ATF7: variants seen among roughly 807,000 people sequenced by gnomAD.
ATF7 encodes cyclic AMP-dependent transcription factor ATF-7.
ATF7 carries 10 observed loss-of-function variants against 50.4 expected under a neutral mutation model. That is an observed-to-expected ratio of 0.20 (90% CI 0.12 to 0.34). ATF7 has a LOEUF of 0.34. Ranked by LOEUF, ATF7 falls within the 10% of genes least tolerant of loss-of-function variation. The pLI, the probability that ATF7 is intolerant of heterozygous loss-of-function variation, is 1.00. For synonymous variants in ATF7, 201 were observed against 226.4 expected, an observed-to-expected ratio of 0.89 and a Z score of 1.01; for missense variants, 465 against 613.9, an observed-to-expected ratio of 0.76 and a Z score of 2.56.
At chr12:53,535,871 A>C (rs1181238023) in intron 5 of ATF7, among the ~76,000 whole-genome samples, 1 of 152,136 alleles carries the variant, frequency 6.6e-6, no homozygotes, top group Non-Finnish European at 1.5e-5. Context: ...AATGACTTTT[A>C]GGCTGGGTGC....
chr12:53,584,273 G>T (rs560099609), intron 2 of ATF7, among the ~76,000 whole-genome samples: 1 of 152,038 alleles, frequency 6.6e-6, no homozygotes, highest in Non-Finnish European at 1.5e-5. Context: ...TGAGCCACCC[G>T]GCAGGCATTA....
intron 3 of ATF7, among the ~76,000 whole-genome samples, chr12:53,552,169 T>C (rs1940402436): frequency 6.6e-6 from 1 of 151,928 alleles, no homozygotes; most frequent in Non-Finnish European, 1.5e-5. Flanking sequence ...CTAGATTGGC[T>C]TTTTTTTGCA....
intron 11 of ATF7, among the ~76,000 whole-genome samples, chr12:53,517,763 G>C (rs1335249603): frequency 6.6e-6 from 1 of 152,064 alleles, no homozygotes; most frequent in Admixed American, 6.6e-5. Context: ...ATGAGCCACT[G>C]CGCCTGGCCT....
At chr12:53,599,471 C>CTA (rs113534987) in intron 2 of ATF7, among the ~76,000 whole-genome samples, 4,333 of 147,626 alleles carry the variant, frequency 0.029, 180 homozygotes, top group African/African-American at 0.094. Context: ...TATATATATT[C>CTA]TATATATATA....
At chr12:53,606,153 C>A (rs879652528) in intron 1 of ATF7, among the ~76,000 whole-genome samples, 53 of 151,882 alleles carry the variant, frequency 3.5e-4, no homozygotes, top group Non-Finnish European at 1.2e-4. Flanking sequence ...AACCCCTAAT[C>A]AAACCTTAAA....
intron 4 of ATF7, chr12:53,542,880 C>G: frequency 4.0e-6 from 4 of 999,060 alleles, no homozygotes; most frequent in Non-Finnish European, 3.6e-6. Context: ...TATATTGAAA[C>G]AAAGAAGAGT....
rs1462349506 is a variant in ATF7, at chr12:53,531,904, C to A, written c.775-8G>T. 1.2e-6 allele frequency: 2 copies of A among 1,610,254 alleles called. No homozygotes were observed. The highest frequency in any genetic ancestry group is 1.7e-5 in the Admixed American group (1 of 59,074). ...TAGGGTGGCTTTCAGTCTCTGTGGGCAAAGATAAGAAAAAATGCTTGTTAA... is the reference window on the plus strand; with the variant it reads ...TAGGGTGGCTTTCAGTCTCTGTGGGAAAAGATAAGAAAAAATGCTTGTTAA... On this transcript the variant is annotated splice_polypyrimidine_tract_variant and splice_region_variant and intron_variant, in intron 8 of 11. Coordinates refer to ENST00000420353, the MANE Select transcript of ATF7 (RefSeq NM_006856.3).
chr12:53,587,843 A>ATATATTTTTTTTT, intron 2 of ATF7, among the ~76,000 whole-genome samples: 3 of 61,568 alleles, frequency 4.9e-5, no homozygotes, highest in African/African-American at 1.5e-4. Context: ...ATATATATAT[A>ATATATTTTTTTTT]TTTTTTTTTT....
chr12:53,622,633 A>C (rs1386689455), intron 1 of ATF7, among the ~76,000 whole-genome samples: 1 of 150,342 alleles, frequency 6.7e-6, no homozygotes, highest in Non-Finnish European at 1.5e-5. Flanking sequence ...AGCCAGGGCA[A>C]AAGTGCGAAA....
chr12:53,612,832 T>C (rs530583459), intron 1 of ATF7, among the ~76,000 whole-genome samples: 1 of 152,178 alleles, frequency 6.6e-6, no homozygotes, highest in African/African-American at 2.4e-5. Flanking sequence ...TGTGAAACCC[T>C]GTCTCTACTA....
chr12:53,564,477 GT>G (rs1941327480), intron 2 of ATF7, among the ~76,000 whole-genome samples: 1 of 152,142 alleles, frequency 6.6e-6, no homozygotes, highest in African/African-American at 2.4e-5. Context: ...ACCACTAGTG[GT>G]AATTTTAACC....
chr12:53,601,601 A>C (rs1464202521), intron 1 of ATF7, among the ~76,000 whole-genome samples: 1 of 152,048 alleles, frequency 6.6e-6, no homozygotes, highest in African/African-American at 2.4e-5. Context: ...AAAAATAAAA[A>C]CCGGGAGCCT....
In ATF7 at chr12:53,512,434, T is replaced by TA. The variant is rs1315020072; in HGVS notation, c.*4702dup. On this transcript the variant is annotated 3_prime_UTR_variant, in exon 12 of 12. Transcript: ENST00000420353. ...GAGAGGTGTTGCTACATGTCAAAAA[T>TA]ATATAGATGAACAGAGATATAATCA... 3 of 152,184 alleles carry TA rather than the reference T, an allele frequency of 2.0e-5. No individual in the cohort carries two copies. The highest frequency in any genetic ancestry group is 2.9e-5 in the Non-Finnish European group (2 of 68,032). The allele number at this position is 152,184 out of a possible 1,614,324, so 9.4% of individuals were successfully genotyped here. A position where few individuals can be genotyped will look rare whatever the true frequency, so the allele number is the denominator to read the frequency against.
At chr12:53,585,421 G>A (rs1942631826) in intron 2 of ATF7, among the ~76,000 whole-genome samples, 1 of 152,134 alleles carries the variant, frequency 6.6e-6, no homozygotes. Context: ...GACAGTGGGG[G>A]AGGCTAGTGT....
chr12:53,587,368 A>G (rs1342827568), intron 2 of ATF7, among the ~76,000 whole-genome samples: 1 of 143,160 alleles, frequency 7.0e-6, no homozygotes, highest in African/African-American at 2.5e-5. Flanking sequence ...TTCCGCATCA[A>G]AAAAAAAAAA....
chr12:53,589,903 TAC>T (rs1162092913), intron 2 of ATF7, among the ~76,000 whole-genome samples: 1 of 152,200 alleles, frequency 6.6e-6, no homozygotes, highest in African/African-American at 2.4e-5. Flanking sequence ...TCTTAACACT[TAC>T]ACTTCTCAAG....
chr12:53,559,903 C>T (rs536198433), intron 2 of ATF7, among the ~76,000 whole-genome samples: 2 of 152,028 alleles, frequency 1.3e-5, no homozygotes, highest in Non-Finnish European at 2.9e-5. Flanking sequence ...TAGTTCCCTC[C>T]TCTTTACTTT....
At chr12:53,529,263 G>A (rs991444667) in intron 9 of ATF7, among the ~76,000 whole-genome samples, 4 of 152,150 alleles carry the variant, frequency 2.6e-5, no homozygotes, top group Admixed American at 6.5e-5. Flanking sequence ...GCAATGGTGC[G>A]ATCTCGGCTC....
At chr12:53,535,852 T>C (rs954278210) in intron 5 of ATF7, among the ~76,000 whole-genome samples, 14 of 152,054 alleles carry the variant, frequency 9.2e-5, no homozygotes, top group South Asian at 8.3e-4. Context: ...ATTAAAGTCA[T>C]AACAACAAAA....
Sources: gnomAD v4.1 joint callset for allele counts (sites outside exome capture counted in the v4.1 genomes callset) on GRCh38, gnomAD v4.1.1 for gene constraint, MANE v1.5 for transcripts, NCBI Gene and HGNC (gene_info 2026-07-23, HGNC 2026-07-21) for gene names.